GAREM1: variants seen among roughly 807,000 people sequenced by gnomAD.
GAREM1 encodes the protein GRB2 associated regulator of MAPK1 subtype 1.
Under a neutral mutation model 71.3 loss-of-function variants are expected in GAREM1, and 26 were observed. The observed-to-expected ratio is 0.36, with a 90% CI of 0.27 to 0.51. GAREM1 has a LOEUF of 0.51. Among genes scored for constraint, GAREM1 ranks in the 20% least tolerant of loss-of-function variants. GAREM1 has a pLI of 0.95. For synonymous variants in GAREM1, 440 were observed against 433.2 expected, an observed-to-expected ratio of 1.02 and a Z score of -0.20; for missense variants, 1,026 against 1,103.1, an observed-to-expected ratio of 0.93 and a Z score of 0.99.
At chr18:32,337,907 C>T (rs957575978) in intron 2 of GAREM1, among the ~76,000 whole-genome samples, 3 of 152,166 alleles carry the variant, frequency 2.0e-5, no homozygotes, top group African/African-American at 7.2e-5. Context: ...GTATTTTGAA[C>T]TTCCTTGGTT....
chr18:32,438,625 G>A (rs537566171), intron 1 of GAREM1, among the ~76,000 whole-genome samples: 5 of 152,266 alleles, frequency 3.3e-5, no homozygotes, highest in East Asian at 3.9e-4. Flanking sequence ...ACTTAAATAC[G>A]GAAGCAAGAA....
chr18:32,295,433 T>C (rs1567953323), intron 3 of GAREM1, among the ~76,000 whole-genome samples: 1 of 152,206 alleles, frequency 6.6e-6, no homozygotes, highest in Non-Finnish European at 1.5e-5. Context: ...TTATTATCTA[T>C]ATTTTATCAG....
intron 2 of GAREM1, among the ~76,000 whole-genome samples, chr18:32,353,563 AT>A (rs974574554): frequency 6.6e-6 from 1 of 152,212 alleles, no homozygotes; most frequent in African/African-American, 2.4e-5. Context: ...TTCTTTACCT[AT>A]GGGCTTTGAC....
intron 3 of GAREM1, among the ~76,000 whole-genome samples, chr18:32,295,656 G>A (rs1041018790): frequency 1.3e-5 from 2 of 152,288 alleles, no homozygotes; most frequent in African/African-American, 4.8e-5. Context: ...TTTGGAACAA[G>A]TAATTTGTCA....
intron 1 of GAREM1, among the ~76,000 whole-genome samples, chr18:32,464,494 T>A (rs2048981071): frequency 6.6e-6 from 1 of 152,134 alleles, no homozygotes; most frequent in Admixed American, 6.5e-5. Context: ...TCTCTTTTTT[T>A]AAAAAAGTAA....
chr18:32,421,338 G>T (rs2048517897), intron 1 of GAREM1, among the ~76,000 whole-genome samples: 1 of 152,082 alleles, frequency 6.6e-6, no homozygotes, highest in South Asian at 2.1e-4. Context: ...TGTCCCTCAG[G>T]TCCATTCTCT....
At chr18:32,300,615 A>C (rs1200516849) in intron 3 of GAREM1, among the ~76,000 whole-genome samples, 1 of 152,158 alleles carries the variant, frequency 6.6e-6, no homozygotes, top group Non-Finnish European at 1.5e-5. Flanking sequence ...TGAATAAAGA[A>C]AGTAACATAG....
At chr18:32,390,423 C>T (rs373224133) in intron 2 of GAREM1, among the ~76,000 whole-genome samples, 1 of 152,206 alleles carries the variant, frequency 6.6e-6, no homozygotes, top group African/African-American at 2.4e-5. Flanking sequence ...TCATGACCAG[C>T]GATTCATTCT....
intron 2 of GAREM1, among the ~76,000 whole-genome samples, chr18:32,361,335 T>A (rs2047862926): frequency 6.6e-6 from 1 of 152,204 alleles, no homozygotes; most frequent in Non-Finnish European, 1.5e-5. Context: ...TATTTTCTAA[T>A]GTTAGAGCCA....
chr18:32,386,661 G>A (rs1055760029), intron 2 of GAREM1, among the ~76,000 whole-genome samples: 1 of 152,120 alleles, frequency 6.6e-6, no homozygotes, highest in African/African-American at 2.4e-5. Context: ...AGCTTGCCAC[G>A]GAATGCTATA....
chr18:32,334,302 C>T (rs749927841), intron 2 of GAREM1, among the ~76,000 whole-genome samples: 7 of 152,002 alleles, frequency 4.6e-5, no homozygotes, highest in East Asian at 1.9e-4. Context: ...TAGATTCTAC[C>T]GGCAACAGCT....
chr18:32,447,531 C>T (rs2048796428), intron 1 of GAREM1, among the ~76,000 whole-genome samples: 1 of 151,650 alleles, frequency 6.6e-6, no homozygotes, highest in African/African-American at 2.4e-5. Context: ...AATATTAATG[C>T]AACATTTTCT....
intron 1 of GAREM1, among the ~76,000 whole-genome samples, chr18:32,441,732 C>T (rs1336011281): frequency 6.6e-6 from 1 of 152,176 alleles, no homozygotes; most frequent in Non-Finnish European, 1.5e-5. Flanking sequence ...CCAACCCACA[C>T]AGCAAATCTC....
At chr18:32,406,168 T>C (rs932425770) in intron 1 of GAREM1, among the ~76,000 whole-genome samples, 2 of 152,192 alleles carry the variant, frequency 1.3e-5, no homozygotes, top group African/African-American at 4.8e-5. Context: ...TTAAACACTA[T>C]TTAATTAGCA....
chr18:32,294,699 T>G (rs1039219963), intron 3 of GAREM1, among the ~76,000 whole-genome samples: 3 of 152,204 alleles, frequency 2.0e-5, no homozygotes. Context: ...TATGTTTTAT[T>G]GCTATTTTGC....
intron 1 of GAREM1, among the ~76,000 whole-genome samples, chr18:32,396,442 A>T (rs1204144026): frequency 6.6e-6 from 1 of 152,228 alleles, no homozygotes; most frequent in Non-Finnish European, 1.5e-5. Flanking sequence ...TAGAATAACC[A>T]GTGTAGAGAA....
At chr18:32,270,109 C>T in intron 5 of GAREM1, 108 bp downstream of exon 5, 3 of 1,167,798 alleles carry the variant, frequency 2.6e-6, no homozygotes, top group Non-Finnish European at 3.7e-6. Context: ...AAGCCATTTC[C>T]TCTCCCACCA....
At chr18:32,307,061 A>C (rs1208297691) in intron 3 of GAREM1, among the ~76,000 whole-genome samples, 1 of 152,228 alleles carries the variant, frequency 6.6e-6, no homozygotes, top group Non-Finnish European at 1.5e-5. Context: ...TAAATTTAAA[A>C]TTTGAAGTTA....
chr18:32,276,795 G>GT (rs1242499806), intron 4 of GAREM1, among the ~76,000 whole-genome samples: 14 of 152,210 alleles, frequency 9.2e-5, no homozygotes, highest in African/African-American at 2.9e-4. Context: ...TGAGCTCAGT[G>GT]TTCTAATGAT....
Sources: gnomAD v4.1 joint callset for allele counts (sites outside exome capture counted in the v4.1 genomes callset) on GRCh38, gnomAD v4.1.1 for gene constraint, MANE v1.5 for transcripts, NCBI Gene and HGNC (gene_info 2026-07-23, HGNC 2026-07-21) for gene names.